Variants in MAGI2 observed in about 807,000 individuals in gnomAD.
MAGI2 encodes membrane associated guanylate kinase, WW and PDZ domain containing 2.
MAGI2 carries 35 observed loss-of-function variants against 133.3 expected under a neutral mutation model. The ratio of observed to expected loss-of-function variants is 0.26; its 90% confidence interval spans 0.20 to 0.35. MAGI2 has a LOEUF of 0.35. MAGI2 is among the 10% of genes least tolerant of loss of function. The pLI, the probability that MAGI2 is intolerant of heterozygous loss-of-function variation, is 1.00. For synonymous variants in MAGI2, 729 were observed against 710.6 expected (o/e 1.03, Z -0.41); for missense variants, 1,636 against 1,863.4 (o/e 0.88, Z 2.25).
intron 2 of MAGI2, among the ~76,000 whole-genome samples, chr7:78,963,439 T>C (rs555394153): frequency 1.3e-5 from 2 of 152,236 alleles, no homozygotes; most frequent in South Asian, 4.1e-4. Flanking sequence ...AACATCTTTG[T>C]AGAAAATGCG....
intron 2 of MAGI2, among the ~76,000 whole-genome samples, chr7:78,716,789 T>C (rs1022452172): frequency 2.6e-5 from 4 of 152,160 alleles, no homozygotes; most frequent in African/African-American, 9.7e-5. Context: ...TTTATGAGGA[T>C]GTAAGACCCA....
chr7:78,657,621 A>G (rs922610121), intron 2 of MAGI2, among the ~76,000 whole-genome samples: 2 of 140,374 alleles, frequency 1.4e-5, no homozygotes, highest in Non-Finnish European at 1.6e-5. Context: ...AAGTTTGGCG[A>G]CTTTAAGAAG....
chr7:78,282,530 C>T (rs1364459187), intron 9 of MAGI2, among the ~76,000 whole-genome samples: 1 of 151,904 alleles, frequency 6.6e-6, no homozygotes, highest in Non-Finnish European at 1.5e-5. Flanking sequence ...TATTTACTAT[C>T]TATCTATCTA....
chr7:78,421,812 C>T (rs113116196), intron 6 of MAGI2, among the ~76,000 whole-genome samples: 1 of 152,022 alleles, frequency 6.6e-6, no homozygotes, highest in Non-Finnish European at 1.5e-5. Context: ...CTCAAAACAA[C>T]AAAAACATAA....
At chr7:78,717,856 G>C (rs1819868782) in intron 2 of MAGI2, among the ~76,000 whole-genome samples, 1 of 152,120 alleles carries the variant, frequency 6.6e-6, no homozygotes, top group Non-Finnish European at 1.5e-5. Context: ...ACTAGTATAA[G>C]TATTAGTACT....
intron 2 of MAGI2, among the ~76,000 whole-genome samples, chr7:78,979,032 C>T (rs972686358): frequency 8.6e-5 from 13 of 151,896 alleles, no homozygotes; most frequent in East Asian, 1.9e-4. Context: ...GTAATGGATT[C>T]GAGTTGGAGA....
intron 2 of MAGI2, among the ~76,000 whole-genome samples, chr7:78,801,857 T>A (rs1209212486): frequency 6.6e-6 from 1 of 152,204 alleles, no homozygotes; most frequent in African/African-American, 2.4e-5. Context: ...TCTCCTCCTT[T>A]ATCTATTGTT....
chr7:79,206,848 A>G (rs1275273679), intron 1 of MAGI2, among the ~76,000 whole-genome samples: 2 of 151,946 alleles, frequency 1.3e-5, no homozygotes, highest in Non-Finnish European at 2.9e-5. Context: ...ACAGCACACT[A>G]AAAAGATCCA....
At chr7:79,086,598 A>C (rs1816516851) in intron 1 of MAGI2, among the ~76,000 whole-genome samples, 1 of 151,764 alleles carries the variant, frequency 6.6e-6, no homozygotes, top group African/African-American at 2.4e-5. Context: ...GTGTTCTCAT[A>C]GTTTAATGGA....
rs796371005 is a variant in MAGI2, at chr7:78,557,080, C to CAAAA, written c.539-35439_539-35436dup. 3.9e-4 allele frequency among the ~76,000 whole-genome samples: 16 copies of CAAAA among 40,902 alleles called. No individual in the cohort carries two copies. The South Asian group carries it at 4.5e-3, about 12-fold the overall frequency. 26.8% of individuals were successfully genotyped at this position (40,902 alleles called of 152,430 possible). A position where few individuals can be genotyped will look rare whatever the true frequency, so the allele number is the denominator to read the frequency against. ...TACTCCAGCCTGGGTGGCAGAGTCT[C>CAAAA]AAAAAAAAAAAAAAAAAAAAGAAAA... is the stretch of plus-strand genomic sequence containing the variant. On this transcript the variant is annotated intron_variant, in intron 3 of 21. Transcript: ENST00000354212.
chr7:79,266,954 G>C (rs1193404115), intron 1 of MAGI2, among the ~76,000 whole-genome samples: 1 of 152,130 alleles, frequency 6.6e-6, no homozygotes, highest in Non-Finnish European at 1.5e-5. Context: ...ATAGACTTCA[G>C]ATAAGGGGGA....
intron 1 of MAGI2, among the ~76,000 whole-genome samples, chr7:79,213,349 CAT>C (rs535971891): frequency 0.023 from 3,356 of 145,240 alleles, 165 homozygotes; most frequent in African/African-American, 0.089. Flanking sequence ...CACACACACA[CAT>C]ATATTTTTTC....
intron 2 of MAGI2, among the ~76,000 whole-genome samples, chr7:78,842,838 TTTAA>T (rs1308814474): frequency 2.7e-5 from 4 of 150,650 alleles, no homozygotes; most frequent in Non-Finnish European, 5.9e-5. Flanking sequence ...GTACAATAAC[TTTAA>T]TTAGTACCAG....
chr7:78,883,265 A>T (rs1350924984), intron 2 of MAGI2, among the ~76,000 whole-genome samples: 1 of 152,040 alleles, frequency 6.6e-6, no homozygotes, highest in African/African-American at 2.4e-5. Flanking sequence ...CACACACACA[A>T]AACAAAACAA....
intron 1 of MAGI2, among the ~76,000 whole-genome samples, chr7:79,155,293 A>T (rs993702861): frequency 7.2e-5 from 11 of 152,146 alleles, no homozygotes; most frequent in African/African-American, 2.7e-4. Flanking sequence ...TCACTCATTC[A>T]TGTACTCATC....
intron 1 of MAGI2, among the ~76,000 whole-genome samples, chr7:79,183,125 T>TG (rs1351956606): frequency 1.3e-5 from 2 of 151,898 alleles, no homozygotes; most frequent in Non-Finnish European, 2.9e-5. Context: ...TAAGTTCTAA[T>TG]GTTTGATAGC....
chr7:78,519,007 G>A (rs1210037505), intron 4 of MAGI2: 1 of 151,328 alleles, frequency 6.6e-6, no homozygotes, highest in Admixed American at 6.6e-5. Flanking sequence ...CAAAGTGCTG[G>A]AATTACAGGC....
chr7:78,129,779 T>C (rs1821362700), intron 18 of MAGI2, among the ~76,000 whole-genome samples: 1 of 151,690 alleles, frequency 6.6e-6, no homozygotes, highest in African/African-American at 2.4e-5. Flanking sequence ...CTACTAAAAA[T>C]ACAAAATTAG....
chr7:78,776,425 A>G (rs983026104), intron 2 of MAGI2, among the ~76,000 whole-genome samples: 1 of 152,218 alleles, frequency 6.6e-6, no homozygotes, highest in Non-Finnish European at 1.5e-5. Context: ...GTCTCTTGAG[A>G]CATTTATGAT....
Sources: gnomAD v4.1 joint callset for allele counts (sites outside exome capture counted in the v4.1 genomes callset) on GRCh38, gnomAD v4.1.1 for gene constraint, MANE v1.5 for transcripts, NCBI Gene and HGNC (gene_info 2026-07-23, HGNC 2026-07-21) for gene names.